PCDHGA4: variants seen among roughly 807,000 people sequenced by gnomAD.
PCDHGA4 encodes the protein protocadherin gamma-A4.
A neutral mutation model predicts 54.6 loss-of-function variants in PCDHGA4; 38 were observed. That is an observed-to-expected ratio of 0.70 (90% confidence interval 0.54 to 0.91). PCDHGA4 has a LOEUF of 0.91. Among genes scored for constraint, PCDHGA4 ranks in the 40% least tolerant of loss-of-function variants. The pLI, the probability that PCDHGA4 is intolerant of heterozygous loss-of-function variation, is 0.00. For missense variants in PCDHGA4, 1,298 were observed against 1,220.9 expected, an observed-to-expected ratio of 1.06 and a Z score of -0.94; for synonymous variants, 511 against 512.9, an observed-to-expected ratio of 1.00 and a Z score of 0.05.
rs1485520054 is a variant in PCDHGA4 at position 141,511,210 on chromosome 5, C to T, written c.*37C>T. 6.2e-7 allele frequency: 1 copy of T among 1,609,328 alleles called. No individual in the cohort carries two copies. The highest frequency in any genetic ancestry group is 1.3e-5 in the African/African-American group (1 of 74,896). ...GGCCAAGAGCCACAGGGCGGCCTCT[C>T]CCCAACCAGCCCAGCTTCTCCTTAC... On this transcript the variant is annotated 3_prime_UTR_variant, in exon 4 of 4. Transcript: ENST00000571252.
At chr5:141,409,796 C>T (rs750405889) in intron 1 of PCDHGA4, 1 of 1,611,944 alleles carries the variant, frequency 6.2e-7, no homozygotes, top group Non-Finnish European at 8.5e-7. Context: ...CGCGCTCACG[C>T]TGCAGGCCCG....
At chr5:141,475,892 G>A (rs1279219556) in intron 1 of PCDHGA4, 1 of 568,264 alleles carries the variant, frequency 1.8e-6, no homozygotes, top group Non-Finnish European at 3.1e-6. Context: ...GGGACTCTGT[G>A]TGCCGCTGTC....
chr5:141,372,451 C>A (rs749000608), intron 1 of PCDHGA4: 1 of 1,614,042 alleles, frequency 6.2e-7, no homozygotes, highest in East Asian at 2.2e-5. Context: ...GACCCTCAGG[C>A]GGAGCTACAG....
chr5:141,431,995 G>A lies in PCDHGA4; in HGVS notation c.2515-62812G>A. 6.2e-7 allele frequency: 1 copy of A among 1,614,048 alleles called. No individual in the cohort carries two copies. Among genetic ancestry groups the A allele is most frequent in the East Asian group, 2.2e-5 (1 of 44,898 alleles). The stretch of plus-strand genomic sequence containing the variant: ...TAGTCACAGACATAGTCTTGGATAG[G>A]GAACAGGTTCCTAGCTACAACATCA... On this transcript the variant is annotated intron_variant, in intron 1 of 3. Coordinates refer to ENST00000571252, the MANE Select transcript of PCDHGA4 (RefSeq NM_018917.4). This position sits in a 1 kb window ranked among gnomAD's most constrained non-coding sequence, Gnocchi z 4.8.
Position 141,395,117 on chromosome 5 carries a change from G to C in PCDHGA4, c.2514+37496G>C. 4 of 1,614,192 alleles carry C rather than the reference G, an allele frequency of 2.5e-6. No homozygotes were observed. The South Asian group carries it at 4.4e-5, about 18-fold the overall frequency. ...CCGCCGACTCGCGGAAGAGTCACCT[G>C]ATCTTTCCCCAGCCCAACTACGCAG... On this transcript the variant is annotated intron_variant, in intron 1 of 3. Coordinates refer to ENST00000571252, the MANE Select transcript of PCDHGA4 (RefSeq NM_018917.4).
chr5:141,489,962 C>A lies in PCDHGA4; in HGVS notation c.2515-4845C>A. The A allele has an allele frequency of 6.2e-7, 1 of 1,614,184 alleles. No individual in the cohort carries two copies. The highest frequency in any genetic ancestry group is 8.5e-7 in the Non-Finnish European group (1 of 1,180,008). ...CTGGACATCAATGATAATGCTCCAA[C>A]CTTCCAATCCTCAGTTCTACGTGTG... is the stretch of plus-strand genomic sequence containing the variant. On this transcript the variant is annotated intron_variant, in intron 1 of 3. Transcript: ENST00000571252. This position sits in a 1 kb window ranked among gnomAD's most constrained non-coding sequence, Gnocchi z 4.5.
At position 141,453,908 on chromosome 5, in the gene PCDHGA4, A is replaced by T. The variant is rs1198219869; in HGVS notation, c.2515-40899A>T. On this transcript the variant is annotated intron_variant, in intron 1 of 3. Transcript: ENST00000571252. ...CCAATCACATGACTTCTTTCAAAGT[A>T]TGTCAGTGATCAGTCACTGTGTGCC... Among the ~76,000 whole-genome samples, 4 of 152,242 alleles carry T rather than the reference A, an allele frequency of 2.6e-5. No homozygotes were observed. The East Asian group carries it at 5.8e-4, about 22-fold the overall frequency.
chr5:141,511,129 G>A lies in PCDHGA4; in HGVS notation c.2845G>A (p.Gly949Ser). ...GCGGGATGGCAAGGCCCCAGCAGGT[G>A]GCAATGGCAACAAGAAGAAGTCGGG... ...GKRDGKAPAGGNGNKKKSGKK... is the reference protein window; with the variant it reads ...GKRDGKAPAGSNGNKKKSGKK... Residue 949 changes from glycine to serine, a missense_variant, in exon 4 of 4, where the codon GGC becomes AGC. By Grantham distance (56) the Gly-to-Ser change is moderately conservative. Coordinates refer to ENST00000571252, the MANE Select transcript of PCDHGA4 (RefSeq NM_018917.4). 1 of 1,614,204 alleles carries A rather than the reference G, an allele frequency of 6.2e-7. No individual in the cohort carries two copies. Among genetic ancestry groups the A allele is most frequent in the Non-Finnish European group, 8.5e-7 (1 of 1,180,014 alleles).
At chr5:141,362,527 G>A (rs1272837280) in intron 1 of PCDHGA4, 2 of 1,613,974 alleles carry the variant, frequency 1.2e-6, no homozygotes, top group Non-Finnish European at 8.5e-7. Context: ...AGCCGCTGGG[G>A]TCCCTTTTGC....
intron 1 of PCDHGA4, chr5:141,389,984 C>G: frequency 6.2e-7 from 1 of 1,614,070 alleles, no homozygotes; most frequent in Non-Finnish European, 8.5e-7. Flanking sequence ...TCTCAGTGCT[C>G]TTCCTCGTGG....
chr5:141,388,803 T>G lies in PCDHGA4; in HGVS notation c.2514+31182T>G, dbSNP rs774082539. The G allele has an allele frequency of 3.1e-6, 5 of 1,613,936 alleles. No individual in the cohort carries two copies. In the East Asian group the frequency reaches 1.1e-4, roughly 36 times the overall value. ...AATTACTGTTTTAAATACATTAGATTTTGAAGAAGTCAAAGAATATTCCAT... is the reference window on the plus strand; with the variant it reads ...AATTACTGTTTTAAATACATTAGATGTTGAAGAAGTCAAAGAATATTCCAT... On this transcript the variant is annotated intron_variant, in intron 1 of 3. Transcript: ENST00000571252.
Position 141,485,931 on chromosome 5 carries a change from A to C in PCDHGA4, c.2515-8876A>C, listed in dbSNP as rs761979804. 3 of 1,614,192 alleles carry C rather than the reference A, an allele frequency of 1.9e-6. No individual in the cohort carries two copies. In the South Asian group the frequency reaches 3.3e-5, roughly 18 times the overall value. On this transcript the variant is annotated intron_variant, in intron 1 of 3. Transcript: ENST00000571252. This position sits in a 1 kb window ranked among gnomAD's most constrained non-coding sequence, Gnocchi z 5.7. Reference sequence around the variant, plus strand: ...TCCAGCTACAGGATTAGTGTGTTGGAGAGCGCACCAGCGGGCATGGTGCTC... The same window carrying C: ...TCCAGCTACAGGATTAGTGTGTTGGCGAGCGCACCAGCGGGCATGGTGCTC...
chr5:141,415,905 C>T (rs1278855649), intron 1 of PCDHGA4: 5 of 801,160 alleles, frequency 6.2e-6, no homozygotes, highest in Non-Finnish European at 8.6e-6. Context: ...GACAGACTTC[C>T]ATACAGAAGT....
chr5:141,374,731 T>C (rs922018990), intron 1 of PCDHGA4: 7 of 1,610,566 alleles, frequency 4.3e-6, no homozygotes, highest in Non-Finnish European at 4.2e-6. Flanking sequence ...CTGCCATGGA[T>C]GGCGGCGACC....
intron 1 of PCDHGA4, chr5:141,361,473 C>G (rs374176708): frequency 1.2e-6 from 2 of 1,614,024 alleles, no homozygotes; most frequent in Non-Finnish European, 1.7e-6. Context: ...CCGACGTCAA[C>G]GATAATGCCC....
chr5:141,374,902 C>T (rs1481689020), intron 1 of PCDHGA4: 2 of 1,613,754 alleles, frequency 1.2e-6, no homozygotes, highest in Middle Eastern at 1.6e-4. Flanking sequence ...ATGAAGGAGT[C>T]CACGGGGAAG....
intron 2 of PCDHGA4, among the ~76,000 whole-genome samples, chr5:141,500,894 C>CAG (rs10656935): frequency 0.58 from 88,074 of 150,994 alleles, 27,125 homozygotes; most frequent in African/African-American, 0.78. Flanking sequence ...TTTTTTGAGA[C>CAG]AGTCTCGCTC....
Position 141,431,300 on chromosome 5 carries a change from A to G in PCDHGA4, c.2515-63507A>G, listed in dbSNP as rs200375087. 7.4e-6 allele frequency: 12 copies of G among 1,614,008 alleles called. No homozygotes were observed. Among genetic ancestry groups the G allele is most frequent in the Admixed American group, 1.7e-5 (1 of 60,010 alleles). ...CAGCCCGAACACTCACTTCTCCCTC[A>G]TCGTGCAAAATGGAGCCGACGGTAG... On this transcript the variant is annotated intron_variant, in intron 1 of 3. Coordinates refer to ENST00000571252, the MANE Select transcript of PCDHGA4 (RefSeq NM_018917.4). This position sits in a 1 kb window ranked among gnomAD's most constrained non-coding sequence, Gnocchi z 4.8.
At chr5:141,379,885 G>A (rs1386862862) in intron 1 of PCDHGA4, among the ~76,000 whole-genome samples, 2 of 89,210 alleles carry the variant, frequency 2.2e-5, no homozygotes, top group African/African-American at 8.6e-5. Context: ...GTCTGTGAAA[G>A]CCTCTTTTTT....
Sources: allele counts gnomAD v4.1 joint callset (sites outside exome capture counted in the v4.1 genomes callset), GRCh38; gene constraint gnomAD v4.1.1; non-coding constraint Gnocchi (gnomAD v3.1); transcripts MANE v1.5; gene names NCBI Gene and HGNC (gene_info 2026-07-23, HGNC 2026-07-21).